PRKCE: variants seen among roughly 807,000 people sequenced by gnomAD.
PRKCE encodes the protein protein kinase C epsilon, also known as protein kinase C epsilon type.
In PRKCE, 16 loss-of-function variants were observed where a neutral mutation model predicts 85.4. The ratio of observed to expected loss-of-function variants is 0.19; its 90% confidence interval spans 0.13 to 0.28. PRKCE has a LOEUF of 0.28. Ranked by LOEUF, PRKCE falls within the 10% of genes least tolerant of loss-of-function variation. The pLI is 1.00. For synonymous variants in PRKCE, 388 were observed against 371.5 expected (o/e 1.04, Z -0.51); for missense variants, 573 against 975.2 (o/e 0.59, Z 5.49).
chr2:45,766,511 G>A (rs985741604), intron 1 of PRKCE, among the ~76,000 whole-genome samples: 1 of 152,084 alleles, frequency 6.6e-6, no homozygotes, highest in Non-Finnish European at 1.5e-5. Flanking sequence ...ATGGGGACAC[G>A]GAGACAGAGA....
At chr2:45,710,273 C>T (rs533272537) in intron 1 of PRKCE, among the ~76,000 whole-genome samples, 1 of 152,110 alleles carries the variant, frequency 6.6e-6, no homozygotes, top group African/African-American at 2.4e-5. Context: ...TTAAGGAACA[C>T]ATCCCCAGTT....
rs149398484 is a variant in PRKCE, at chr2:46,083,732, A to G, written c.1438-2476A>G. Among the ~76,000 whole-genome samples the G allele has an allele frequency of 2.9e-3, 447 of 152,348 alleles. 4 individuals carry two copies. The highest frequency in any genetic ancestry group is 0.01 in the African/African-American group (428 of 41,586). On this transcript the variant is annotated intron_variant, in intron 10 of 14. Coordinates refer to ENST00000306156, the MANE Select transcript of PRKCE (RefSeq NM_005400.3). Reference sequence around the variant, plus strand: ...GACTCCGCCCCAGATCTTCTGAACCAGATATCTGAGTTGGGGGGCTCAGGA... The same window carrying G: ...GACTCCGCCCCAGATCTTCTGAACCGGATATCTGAGTTGGGGGGCTCAGGA...
intron 11 of PRKCE, among the ~76,000 whole-genome samples, chr2:46,134,276 G>C (rs1324284755): frequency 1.3e-5 from 2 of 152,156 alleles, no homozygotes; most frequent in African/African-American, 4.8e-5. Context: ...CTCATGGAAT[G>C]GTCCCTTGTG....
intron 1 of PRKCE, among the ~76,000 whole-genome samples, chr2:45,701,832 C>A (rs963606535): frequency 1.3e-5 from 2 of 152,120 alleles, no homozygotes; most frequent in African/African-American, 4.8e-5. Flanking sequence ...GAGACACCGA[C>A]GAGTCTAGAT....
At chr2:45,981,231 G>A (rs1702866951) in intron 5 of PRKCE, among the ~76,000 whole-genome samples, 1 of 152,224 alleles carries the variant, frequency 6.6e-6, no homozygotes, top group African/African-American at 2.4e-5. Flanking sequence ...TGTGAATATG[G>A]ATGTAGGTAT....
intron 11 of PRKCE, among the ~76,000 whole-genome samples, chr2:46,106,865 A>G (rs1176293001): frequency 3.3e-5 from 5 of 152,212 alleles, no homozygotes; most frequent in Non-Finnish European, 7.3e-5. Context: ...TCAGTCCTAT[A>G]CCAAGTATTG....
At chr2:45,745,213 C>T (rs886910926) in intron 1 of PRKCE, among the ~76,000 whole-genome samples, 3 of 152,146 alleles carry the variant, frequency 2.0e-5, no homozygotes, top group Non-Finnish European at 4.4e-5. Flanking sequence ...TATTCCCCTC[C>T]TTCCTGCAGC....
intron 1 of PRKCE, among the ~76,000 whole-genome samples, chr2:45,810,292 C>T (rs568592471): frequency 3.9e-5 from 6 of 152,196 alleles, no homozygotes; most frequent in Admixed American, 2.6e-4. Flanking sequence ...CCACCCGCCT[C>T]GGCCTCCCAA....
At chr2:46,050,045 G>T (rs1376743459) in intron 10 of PRKCE, among the ~76,000 whole-genome samples, 1 of 152,210 alleles carries the variant, frequency 6.6e-6, no homozygotes, top group African/African-American at 2.4e-5. Context: ...AGAATTGGAG[G>T]CTTGGCACTC....
At chr2:46,132,694 A>G (rs1377182255) in intron 11 of PRKCE, among the ~76,000 whole-genome samples, 1 of 152,230 alleles carries the variant, frequency 6.6e-6, no homozygotes, top group African/African-American at 2.4e-5. Context: ...GCATATATGC[A>G]TATATGCACA....
intron 1 of PRKCE, among the ~76,000 whole-genome samples, chr2:45,757,041 A>T (rs1282089135): frequency 6.6e-6 from 1 of 152,152 alleles, no homozygotes; most frequent in East Asian, 1.9e-4. Flanking sequence ...ACTTGAGGTC[A>T]GGAGTTTGAG....
Position 46,068,885 on chromosome 2 carries a change from C to A in PRKCE, c.1438-17323C>A, listed in dbSNP as rs1399521070. 1.3e-5 allele frequency among the ~76,000 whole-genome samples: 2 copies of A among 152,214 alleles called. No homozygotes were observed. The highest frequency in any genetic ancestry group is 4.8e-5 in the African/African-American group (2 of 41,456). On this transcript the variant is annotated intron_variant, in intron 10 of 14. Transcript: ENST00000306156. This position sits in a 1 kb window ranked among gnomAD's most constrained non-coding sequence, Gnocchi z 4.3. The stretch of plus-strand genomic sequence containing the variant: ...ACCACCAGACGACAGGAGCTGTGGT[C>A]CTTGTGACTCCAAGGGTGATCCCTA...
intron 2 of PRKCE, among the ~76,000 whole-genome samples, chr2:45,944,987 G>A (rs1700146924): frequency 6.6e-6 from 1 of 151,948 alleles, no homozygotes; most frequent in South Asian, 2.1e-4. Context: ...TTCCTTTCCA[G>A]TAATGCTTCT....
chr2:45,808,651 G>T (rs1688432091), intron 1 of PRKCE, among the ~76,000 whole-genome samples: 1 of 152,180 alleles, frequency 6.6e-6, no homozygotes, highest in African/African-American at 2.4e-5. Context: ...GGTGGTGGGA[G>T]GGCTGTCTCT....
intron 1 of PRKCE, among the ~76,000 whole-genome samples, chr2:45,741,509 A>C (rs73926043): frequency 0.036 from 5,496 of 152,304 alleles, 333 homozygotes; most frequent in African/African-American, 0.13. Flanking sequence ...TTCTTCTGGG[A>C]GAAACCAGCA....
chr2:45,862,514 C>G (rs571328192), intron 2 of PRKCE, among the ~76,000 whole-genome samples: 4 of 152,216 alleles, frequency 2.6e-5, no homozygotes, highest in African/African-American at 9.7e-5. Context: ...GTACTGTGTA[C>G]AAGAATGCAT....
intron 10 of PRKCE, among the ~76,000 whole-genome samples, chr2:46,058,830 G>A (rs1309321421): frequency 3.9e-5 from 6 of 152,134 alleles, no homozygotes; most frequent in Admixed American, 3.9e-4. Flanking sequence ...TAAGGAACTG[G>A]GACCACAGGC....
intron 11 of PRKCE, among the ~76,000 whole-genome samples, chr2:46,103,546 G>A (rs1671434145): frequency 6.6e-6 from 1 of 152,120 alleles, no homozygotes; most frequent in Non-Finnish European, 1.5e-5. Context: ...GTGGACCCTT[G>A]AAAAACATGG....
At chr2:45,668,577 C>G (rs901652986) in intron 1 of PRKCE, among the ~76,000 whole-genome samples, 2 of 152,032 alleles carry the variant, frequency 1.3e-5, no homozygotes, top group African/African-American at 4.8e-5. Flanking sequence ...TGCCAAATGT[C>G]TATTTGCTGC....
Sources: gnomAD v4.1 joint callset for allele counts (sites outside exome capture counted in the v4.1 genomes callset) on GRCh38, gnomAD v4.1.1 for gene constraint, Gnocchi (gnomAD v3.1) non-coding constraint, MANE v1.5 for transcripts, NCBI Gene and HGNC (gene_info 2026-07-23, HGNC 2026-07-21) for gene names.